The following ALOX5 variants were observed in gnomAD, a reference collection of about 807,000 sequenced individuals.
The protein encoded by ALOX5 is polyunsaturated fatty acid 5-lipoxygenase.
ALOX5 carries 64 observed loss-of-function variants against 87.9 expected under a neutral mutation model. That is an observed-to-expected ratio of 0.73 (90% CI 0.60 to 0.90). The LOEUF (loss-of-function observed/expected upper bound fraction) is 0.90. Ranked by LOEUF, ALOX5 falls within the 40% of genes least tolerant of loss-of-function variation. The probability of loss-of-function intolerance (pLI) is 0.00; values close to 1 mark genes in which losing one functional copy is unlikely to be tolerated. For synonymous variants in ALOX5, 388 were observed against 355.1 expected (o/e 1.09, Z -1.04); for missense variants, 822 against 907.5 (o/e 0.91, Z 1.21).
intron 1 of ALOX5, among the ~76,000 whole-genome samples, chr10:45,381,872 G>A (rs1157044964): frequency 6.6e-6 from 1 of 152,236 alleles, no homozygotes; most frequent in Non-Finnish European, 1.5e-5. Flanking sequence ...GAATTCAGGA[G>A]TTCATTTAAG....
intron 3 of ALOX5, among the ~76,000 whole-genome samples, chr10:45,411,531 A>G (rs774714842): frequency 2.6e-5 from 4 of 152,256 alleles, no homozygotes; most frequent in Non-Finnish European, 5.9e-5. Flanking sequence ...CAAGGATGTC[A>G]GGATCTGAGC....
intron 2 of ALOX5, among the ~76,000 whole-genome samples, chr10:45,391,898 AGAAG>A (rs1840285598): frequency 7.2e-6 from 1 of 139,442 alleles, no homozygotes; most frequent in Non-Finnish European, 1.5e-5. Flanking sequence ...GCCCCTTCTG[AGAAG>A]TGAGGAGCCC....
At chr10:45,399,817 G>A (rs959050179) in intron 3 of ALOX5, among the ~76,000 whole-genome samples, 24 of 152,218 alleles carry the variant, frequency 1.6e-4, no homozygotes, top group African/African-American at 4.8e-4. Context: ...AAAAAACCCC[G>A]TTTAAAAATT....
chr10:45,408,254 G>C (rs1840949105), intron 3 of ALOX5, among the ~76,000 whole-genome samples: 1 of 152,192 alleles, frequency 6.6e-6, no homozygotes, highest in Admixed American at 6.5e-5. Context: ...GAGATCCTGA[G>C]AACATGCACC....
chr10:45,421,379 C>T (rs1462773092), intron 4 of ALOX5, among the ~76,000 whole-genome samples: 1 of 152,236 alleles, frequency 6.6e-6, no homozygotes, highest in Admixed American at 6.5e-5. Flanking sequence ...CCACCCGGGA[C>T]CTCAGGTGCC....
intron 2 of ALOX5, among the ~76,000 whole-genome samples, chr10:45,395,002 T>C (rs1840445270): frequency 6.6e-6 from 1 of 152,218 alleles, no homozygotes; most frequent in South Asian, 2.1e-4. Flanking sequence ...TTTTATACTG[T>C]TGGTGGGACT....
At chr10:45,442,899 C>A (rs1303509469) in intron 9 of ALOX5, 139 bp from the exon 10 acceptor site, 2 of 870,152 alleles carry the variant, frequency 2.3e-6, no homozygotes, top group Non-Finnish European at 3.4e-6. Context: ...GTTAAACATC[C>A]CTCCCCCATC....
chr10:45,378,280 C>G (rs1839701500), intron 1 of ALOX5, among the ~76,000 whole-genome samples: 1 of 152,216 alleles, frequency 6.6e-6, no homozygotes. Flanking sequence ...CTTCTAGCTT[C>G]CGGTTCAGGG....
At chr10:45,441,569 T>C in intron 9 of ALOX5, 139 bp downstream of exon 9, 1 of 800,686 alleles carries the variant, frequency 1.2e-6, no homozygotes, top group Non-Finnish European at 2.0e-6. Flanking sequence ...GGCTCCAGCA[T>C]CCTCCTGATG....
chr10:45,396,071 G>A, intron 3 of ALOX5, 135 bp downstream of exon 3: 1 of 781,230 alleles, frequency 1.3e-6, no homozygotes, highest in Non-Finnish European at 2.1e-6. Context: ...AGCTCCCAGT[G>A]TGGGTGCACA....
intron 2 of ALOX5, among the ~76,000 whole-genome samples, chr10:45,391,010 T>C (rs200095314): frequency 0.36 from 10,402 of 29,176 alleles, 2,036 homozygotes; most frequent in Non-Finnish European, 0.41. Flanking sequence ...CTCCCCTCTC[T>C]CCTCTCCCAT....
Position 45,382,522 on chromosome 10 carries a change from G to C in ALOX5, c.190G>C (p.Glu64Gln). Residue 64 changes from glutamate (E) to glutamine (Q), a missense_variant, in exon 2 of 14, where the codon GAG becomes CAG. Physicochemically the swap from Glu to Gln is conservative, Grantham distance 29. Coordinates refer to ENST00000374391, the MANE Select transcript of ALOX5 (RefSeq NM_000698.5). ...CGTGACTGTGGACGAGGAACTGGGCGAGATCCAGCTGGTCAGAATCGAGAA... is the reference window on the plus strand; with the variant it reads ...CGTGACTGTGGACGAGGAACTGGGCCAGATCCAGCTGGTCAGAATCGAGAA... ...YDVTVDEELG[E>Q]IQLVRIEKRK... is the part of the protein sequence containing the mutation. The C allele has an allele frequency of 6.2e-7, 1 of 1,614,190 alleles. No homozygotes were observed.
chr10:45,391,694 G>A (rs1019615025), intron 2 of ALOX5, among the ~76,000 whole-genome samples: 11 of 151,298 alleles, frequency 7.3e-5, no homozygotes, highest in South Asian at 2.1e-4. Flanking sequence ...AGTGAGGAGC[G>A]TCTCTGCCCA....
chr10:45,445,131 T>G (rs530555414), intron 13 of ALOX5, among the ~76,000 whole-genome samples: 1 of 152,274 alleles, frequency 6.6e-6, no homozygotes. Context: ...AGGCCAGTGC[T>G]GGCCCCAGCG....
intron 3 of ALOX5, among the ~76,000 whole-genome samples, chr10:45,402,413 G>A (rs7917687): frequency 0.067 from 10,225 of 152,200 alleles, 463 homozygotes; most frequent in East Asian, 0.18. Flanking sequence ...GGTCTGCTAC[G>A]GAGGGCTCGG....
intron 3 of ALOX5, among the ~76,000 whole-genome samples, chr10:45,410,855 A>G (rs552255951): frequency 1.3e-4 from 20 of 152,366 alleles, no homozygotes; most frequent in Non-Finnish European, 2.5e-4. Flanking sequence ...TTGGACCTCC[A>G]CAGGAAAGAA....
chr10:45,374,600 G>C (rs1223853214), intron 1 of ALOX5, among the ~76,000 whole-genome samples, 171 bp downstream of exon 1: 5 of 152,174 alleles, frequency 3.3e-5, no homozygotes, highest in African/African-American at 4.8e-5. Context: ...GGCGTGCCCT[G>C]GGCTCCCAGT....
chr10:45,394,864 A>C (rs1234535413), intron 2 of ALOX5, among the ~76,000 whole-genome samples: 14 of 152,274 alleles, frequency 9.2e-5, no homozygotes, highest in Non-Finnish European at 1.8e-4. Context: ...AATGCTCATC[A>C]TCACTGGCCA....
At chr10:45,419,581 G>A (rs1841429515) in intron 4 of ALOX5, among the ~76,000 whole-genome samples, 1 of 152,244 alleles carries the variant, frequency 6.6e-6, no homozygotes, top group South Asian at 2.1e-4. Flanking sequence ...GCGTCCTGAA[G>A]GGGGATGATC....
Sources: gnomAD v4.1 joint callset for allele counts (sites outside exome capture counted in the v4.1 genomes callset) on GRCh38, gnomAD v4.1.1 for gene constraint, MANE v1.5 for transcripts, NCBI Gene and HGNC (gene_info 2026-07-23, HGNC 2026-07-21) for gene names.